The following VRK2 variants were observed in gnomAD, a reference collection of about 807,000 sequenced individuals.
VRK2 encodes serine/threonine-protein kinase VRK2.
A neutral mutation model predicts 57.6 loss-of-function variants in VRK2; 60 were observed. The ratio of observed to expected loss-of-function variants is 1.04; its 90% CI spans 0.85 to 1.29. The LOEUF is 1.29. Ranked by LOEUF, VRK2 falls within the 50% of genes most tolerant of loss-of-function variation. VRK2 has a pLI of 0.00. For synonymous variants in VRK2, 231 were observed against 199.2 expected (o/e 1.16, Z -1.35); for missense variants, 705 against 588.1 (o/e 1.20, Z -2.06).
chr2:58,130,289 TAGAA>T (rs1388460112), intron 8 of VRK2, among the ~76,000 whole-genome samples: 1 of 152,208 alleles, frequency 6.6e-6, no homozygotes, highest in Non-Finnish European at 1.5e-5. Context: ...ATTGCCATAA[TAGAA>T]AGGAGACTTG....
At chr2:58,155,281 C>T (rs1487398509) in intron 12 of VRK2, among the ~76,000 whole-genome samples, 3 of 152,160 alleles carry the variant, frequency 2.0e-5, no homozygotes, top group African/African-American at 7.2e-5. Flanking sequence ...ACAGCAGGCA[C>T]GGTCAAAAGG....
At chr2:58,032,321 A>C (rs1455254830) in intron 2 of VRK2, among the ~76,000 whole-genome samples, 4 of 152,108 alleles carry the variant, frequency 2.6e-5, no homozygotes, top group Non-Finnish European at 5.9e-5. Context: ...TTTATTTCTC[A>C]AATGTATTCA....
chr2:58,035,441 C>T (rs186066345), intron 3 of VRK2, among the ~76,000 whole-genome samples: 9 of 151,958 alleles, frequency 5.9e-5, no homozygotes, highest in East Asian at 5.8e-4. Flanking sequence ...GTATTATGTA[C>T]ATTAAAAACT....
intron 1 of VRK2, among the ~76,000 whole-genome samples, chr2:57,968,281 G>T (rs1350344286): frequency 6.6e-6 from 1 of 151,858 alleles, no homozygotes; most frequent in African/African-American, 2.4e-5. Flanking sequence ...ATAAACATAT[G>T]AACTATAAAT....
At chr2:58,018,984 T>C (rs964668660) in intron 1 of VRK2, among the ~76,000 whole-genome samples, 6 of 152,230 alleles carry the variant, frequency 3.9e-5, no homozygotes, top group Non-Finnish European at 7.3e-5. Context: ...GCTTAGCTTG[T>C]ATTCCCTGAA....
rs774923535 is a variant in VRK2, at chr2:58,056,769, G to C, written c.136+7802G>C. On this transcript the variant is annotated intron_variant, in intron 2 of 12. Transcript: ENST00000340157. ...GCATGTGATGCTTTTATTGTACTTG[G>C]TAATAGTGTGAGATGTACAACTAGA... Among the ~76,000 whole-genome samples, 9 of 152,116 alleles carry C rather than the reference G, an allele frequency of 5.9e-5. 1 individual carries two copies. Among genetic ancestry groups the C allele is most frequent in the African/African-American group, 2.2e-4 (9 of 41,424 alleles).
chr2:58,137,933 T>C (rs972038105), intron 10 of VRK2, among the ~76,000 whole-genome samples: 3 of 152,036 alleles, frequency 2.0e-5, no homozygotes, highest in African/African-American at 7.2e-5. Context: ...AGGTTTGTAA[T>C]AATAAATTTA....
At chr2:58,139,889 A>C in intron 11 of VRK2, 57 bp downstream of exon 11, 1 of 1,473,036 alleles carries the variant, frequency 6.8e-7, no homozygotes. Flanking sequence ...TTTTCTATCG[A>C]ATGAAATTGT....
intron 9 of VRK2, among the ~76,000 whole-genome samples, chr2:58,134,617 CAAAAAAA>C (rs70954875): frequency 1.4e-5 from 1 of 73,114 alleles, no homozygotes; most frequent in South Asian, 5.6e-4. Flanking sequence ...GACTCCGTCT[CAAAAAAA>C]AAAAAAAAAA....
At chr2:58,141,315 T>C (rs1466095570) in intron 11 of VRK2, among the ~76,000 whole-genome samples, 2 of 152,034 alleles carry the variant, frequency 1.3e-5, no homozygotes, top group Non-Finnish European at 2.9e-5. Flanking sequence ...TAAAAACTGA[T>C]AGCTATATCC....
intron 1 of VRK2, among the ~76,000 whole-genome samples, chr2:58,002,860 T>C (rs1228826005): frequency 6.6e-6 from 1 of 152,212 alleles, no homozygotes; most frequent in Non-Finnish European, 1.5e-5. Context: ...ATTTTGTGTT[T>C]GGAAATTAAT....
chr2:58,011,648 T>C (rs1443251994), intron 1 of VRK2, among the ~76,000 whole-genome samples: 2 of 152,200 alleles, frequency 1.3e-5, no homozygotes, highest in East Asian at 3.8e-4. Flanking sequence ...GGTATTTACA[T>C]TTTATTTTGT....
At chr2:58,155,925 T>G (rs11886775) in intron 12 of VRK2, among the ~76,000 whole-genome samples, 7,358 of 151,792 alleles carry the variant, frequency 0.048, 570 homozygotes, top group African/African-American at 0.16. Context: ...ATGTTTGTTT[T>G]TTTTTTTTTC....
chr2:58,090,572 G>T (rs990102370), intron 7 of VRK2, among the ~76,000 whole-genome samples: 3 of 152,096 alleles, frequency 2.0e-5, no homozygotes, highest in African/African-American at 7.2e-5. Context: ...GGAGTAACAG[G>T]AACTCTCATT....
chr2:58,109,261 C>G (rs1675206701), intron 7 of VRK2, among the ~76,000 whole-genome samples: 1 of 152,024 alleles, frequency 6.6e-6, no homozygotes, highest in South Asian at 2.1e-4. Context: ...TTATCCCAGT[C>G]CCTCAACCCC....
intron 1 of VRK2, among the ~76,000 whole-genome samples, chr2:58,003,865 A>G (rs1471266581): frequency 6.6e-6 from 1 of 152,114 alleles, no homozygotes; most frequent in East Asian, 1.9e-4. Context: ...CTTTCTAATA[A>G]TTGTTTACTA....
At chr2:58,137,224 C>CATACATGTATCAT (rs1680611413) in intron 10 of VRK2, among the ~76,000 whole-genome samples, 1 of 65,140 alleles carries the variant, frequency 1.5e-5, no homozygotes, top group Non-Finnish European at 2.6e-5. Flanking sequence ...ACATATATAT[C>CATACATGTATCAT]ATATGATACA....
intron 1 of VRK2, among the ~76,000 whole-genome samples, chr2:57,941,253 G>C (rs1671084380): frequency 6.6e-6 from 1 of 152,090 alleles, no homozygotes; most frequent in Non-Finnish European, 1.5e-5. Context: ...ACTAAAGTCA[G>C]CTCCCAAATT....
At chr2:58,005,406 CA>C (rs1211337420) in intron 1 of VRK2, among the ~76,000 whole-genome samples, 10 of 151,932 alleles carry the variant, frequency 6.6e-5, no homozygotes, top group African/African-American at 2.2e-4. Context: ...AGCACTTTTT[CA>C]GATATCTCTT....
Sources: allele counts gnomAD v4.1 joint callset (sites outside exome capture counted in the v4.1 genomes callset), GRCh38; gene constraint gnomAD v4.1.1; transcripts MANE v1.5; gene names NCBI Gene and HGNC (gene_info 2026-07-23, HGNC 2026-07-21).